PCDH7: variants seen among roughly 807,000 people sequenced by gnomAD.
PCDH7 encodes the protein protocadherin-7.
Under a neutral mutation model 58.9 loss-of-function variants are expected in PCDH7, and 17 were observed. The observed-to-expected ratio is 0.29, with a 90% CI of 0.20 to 0.43. The LOEUF (loss-of-function observed/expected upper bound fraction) is 0.43. Ranked by LOEUF, PCDH7 falls within the 20% of genes least tolerant of loss-of-function variation. The pLI is 1.00. For missense variants in PCDH7, 1,274 were observed against 1,441.0 expected (o/e 0.88, Z 1.88); for synonymous variants, 664 against 616.4 (o/e 1.08, Z -1.14).
chr4:30,928,753 A>C (rs1237344569), intron 2 of PCDH7, among the ~76,000 whole-genome samples: 1 of 152,214 alleles, frequency 6.6e-6, no homozygotes, highest in African/African-American at 2.4e-5. Flanking sequence ...CTTTGGCTGC[A>C]CATCCTCTCT....
chr4:31,002,327 A>G (rs1405660736), intron 3 of PCDH7, among the ~76,000 whole-genome samples: 4 of 152,240 alleles, frequency 2.6e-5, no homozygotes, highest in African/African-American at 9.6e-5. Flanking sequence ...CAGCAGACTC[A>G]TTGTTCCTAT....
At chr4:31,040,168 TATACCCACGTAACCA>T (rs1287352335) in intron 3 of PCDH7, among the ~76,000 whole-genome samples, 2 of 152,224 alleles carry the variant, frequency 1.3e-5, no homozygotes, top group African/African-American at 4.8e-5. Context: ...GACAACTCTG[TATACCCACGTAACCA>T]CCACTCCAAT....
At chr4:30,938,664 C>T (rs1745656143) in intron 2 of PCDH7, among the ~76,000 whole-genome samples, 1 of 152,068 alleles carries the variant, frequency 6.6e-6, no homozygotes, top group Non-Finnish European at 1.5e-5. Context: ...ACAAACTTGA[C>T]AGTCTCTTAA....
chr4:31,010,468 G>T (rs1753085899), intron 3 of PCDH7, among the ~76,000 whole-genome samples: 1 of 151,796 alleles, frequency 6.6e-6, no homozygotes, highest in Admixed American at 6.6e-5. Flanking sequence ...AAAAAAATTG[G>T]AAAAGGTAAG....
chr4:30,985,099 G>C (rs1750862514), intron 3 of PCDH7, among the ~76,000 whole-genome samples: 1 of 152,080 alleles, frequency 6.6e-6, no homozygotes, highest in South Asian at 2.1e-4. Flanking sequence ...TGGGATTACA[G>C]GTGCCTGCCA....
At chr4:31,032,195 T>G (rs892596960) in intron 3 of PCDH7, among the ~76,000 whole-genome samples, 15 of 152,352 alleles carry the variant, frequency 9.8e-5, no homozygotes, top group African/African-American at 3.4e-4. Flanking sequence ...CCTCTAATTA[T>G]AGGATTATAT....
At chr4:30,951,763 C>T (rs984619137) in intron 3 of PCDH7, among the ~76,000 whole-genome samples, 5 of 151,980 alleles carry the variant, frequency 3.3e-5, no homozygotes, top group Non-Finnish European at 5.9e-5. Context: ...TGAGAGGTGG[C>T]GAAGTTGAGA....
In PCDH7 at chr4:30,789,624, G is replaced by C. The variant is rs535788056; in HGVS notation, c.70+65028G>C. On this transcript the variant is annotated intron_variant, in intron 1 of 3. Transcript: ENST00000509759. ...GAGGGTTTTTTTTTCCTTCTCTGAA[G>C]CATGCTGACTTGCAAAATAGTGTCA... is the stretch of plus-strand genomic sequence containing the variant. Among the ~76,000 whole-genome samples the C allele has an allele frequency of 4.6e-5, 7 of 152,128 alleles. No homozygotes were observed. The South Asian group carries it at 1.5e-3, about 32-fold the overall frequency.
chr4:31,098,212 T>C (rs1272778699), intron 3 of PCDH7, among the ~76,000 whole-genome samples: 1 of 152,204 alleles, frequency 6.6e-6, no homozygotes, highest in Non-Finnish European at 1.5e-5. Flanking sequence ...AATGTTCCCA[T>C]TGTGAAAGCA....
chr4:30,940,105 C>CA (rs1467620771), intron 2 of PCDH7, among the ~76,000 whole-genome samples: 207 of 144,748 alleles, frequency 1.4e-3, no homozygotes, highest in East Asian at 4.0e-3. Flanking sequence ...AACAAACAAA[C>CA]AAAAAAAAAA....
At chr4:31,101,431 G>T (rs984768882) in intron 3 of PCDH7, among the ~76,000 whole-genome samples, 1 of 152,124 alleles carries the variant, frequency 6.6e-6, no homozygotes, top group Non-Finnish European at 1.5e-5. Context: ...ATATTTTAGT[G>T]AGACAATTTG....
intron 1 of PCDH7, among the ~76,000 whole-genome samples, chr4:30,887,844 T>G (rs1233588943): frequency 1.3e-5 from 2 of 151,434 alleles, no homozygotes; most frequent in African/African-American, 4.8e-5. Context: ...CCAAGTATGG[T>G]CATAGCCCAT....
exon 2 of PCDH7, chr4:30,920,246 T>G (rs1743019112): frequency 7.3e-7 from 1 of 1,366,460 alleles, no homozygotes; most frequent in South Asian, 1.1e-5. Context: ...GCTGGAGGAG[T>G]CAGAAACACC....
intron 1 of PCDH7, among the ~76,000 whole-genome samples, chr4:30,727,041 A>G (rs1004565467): frequency 5.3e-5 from 8 of 151,978 alleles, no homozygotes; most frequent in African/African-American, 1.7e-4. Flanking sequence ...AAAGAAAAAA[A>G]GAGAATTCAG....
intron 1 of PCDH7, among the ~76,000 whole-genome samples, chr4:30,862,464 T>C (rs1468275702): frequency 1.3e-5 from 2 of 152,168 alleles, no homozygotes; most frequent in Non-Finnish European, 2.9e-5. Flanking sequence ...CAGAGGTTTG[T>C]GTTCCAATGA....
At chr4:30,786,579 C>T (rs986336409) in intron 1 of PCDH7, 16 of 157,224 alleles carry the variant, frequency 1.0e-4, no homozygotes, top group Non-Finnish European at 2.2e-4. Context: ...TCTATGGCTT[C>T]TGAAAGAGGT....
At chr4:30,799,957 G>A (rs571769094) in intron 1 of PCDH7, among the ~76,000 whole-genome samples, 6 of 151,358 alleles carry the variant, frequency 4.0e-5, no homozygotes, top group South Asian at 4.2e-4. Flanking sequence ...AGGTCCATGC[G>A]ATTCTTCCGC....
At chr4:31,119,272 A>G (rs1717362088) in intron 3 of PCDH7, among the ~76,000 whole-genome samples, 1 of 152,178 alleles carries the variant, frequency 6.6e-6, no homozygotes, top group Admixed American at 6.6e-5. Flanking sequence ...CCTGTAAAAA[A>G]GAAGACTCCT....
At chr4:30,878,552 C>T (rs1363039030) in intron 1 of PCDH7, among the ~76,000 whole-genome samples, 2 of 152,106 alleles carry the variant, frequency 1.3e-5, no homozygotes, top group African/African-American at 4.8e-5. Flanking sequence ...TAAGGCAGAA[C>T]TGTGCTGCTA....
Sources: gnomAD v4.1 joint callset for allele counts (sites outside exome capture counted in the v4.1 genomes callset) on GRCh38, gnomAD v4.1.1 for gene constraint, MANE v1.5 for transcripts, NCBI Gene and HGNC (gene_info 2026-07-23, HGNC 2026-07-21) for gene names.